The following GOT1L1 variants were observed in gnomAD, a reference collection of about 807,000 sequenced individuals.
The protein encoded by GOT1L1 is aspartate aminotransferase, cytoplasmic 2.
Under a neutral mutation model 43.6 loss-of-function variants are expected in GOT1L1, and 38 were observed. The ratio of observed to expected loss-of-function variants is 0.87; its 90% CI spans 0.67 to 1.14. The LOEUF (loss-of-function observed/expected upper bound fraction) is 1.14, where lower values mean the gene tolerates loss of function less well. Ranked by LOEUF, GOT1L1 falls within the 50% of genes most tolerant of loss-of-function variation. The probability of loss-of-function intolerance (pLI) is 0.00; values close to 1 mark genes in which losing one functional copy is unlikely to be tolerated. For synonymous variants in GOT1L1, 183 were observed against 187.2 expected, an observed-to-expected ratio of 0.98 and a Z score of 0.18; for missense variants, 482 against 504.0, an observed-to-expected ratio of 0.96 and a Z score of 0.42.
At chr8:37,939,630 T>A (rs1807872849) in intron 1 of GOT1L1, among the ~76,000 whole-genome samples, 1 of 150,606 alleles carries the variant, frequency 6.6e-6, no homozygotes, top group Admixed American at 6.6e-5. Context: ...GAGGTAAGAA[T>A]CTGAAGAAGT....
At position 37,939,935 on chromosome 8, in the gene GOT1L1, T is replaced by G; in HGVS notation, c.95A>C (p.Lys32Thr). 2 of 1,613,612 alleles carry G rather than the reference T, an allele frequency of 1.2e-6. No individual in the cohort carries two copies. Among genetic ancestry groups the G allele is most frequent in the Non-Finnish European group, 1.7e-6 (2 of 1,179,614 alleles). ...KTYKQDDYPN[K>T]IFLAYRVCMT... ...TCTACCTCTATAGGCTAAGAATATC[T>G]TGTTCGGGTAATCATCTTGTTTGTA... is the stretch of plus-strand genomic sequence containing the variant. Residue 32 changes from lysine (K) to threonine (T), a missense_variant, in exon 1 of 9, where the codon AAG becomes ACG. By Grantham distance (78) the Lys-to-Thr change is moderately conservative (BLOSUM62 -1). Coordinates refer to ENST00000307599, the MANE Select transcript of GOT1L1 (RefSeq NM_152413.3).
chr8:37,936,308 G>T (rs533014795), intron 6 of GOT1L1, among the ~76,000 whole-genome samples: 1 of 151,584 alleles, frequency 6.6e-6, no homozygotes, highest in South Asian at 2.1e-4. Flanking sequence ...CACCATGCCC[G>T]ACTAATTTTT....
chr8:37,936,716 A>G lies in GOT1L1; in HGVS notation c.763+4T>C, dbSNP rs752386219. ...GACCCTCCCTTCTTCTGCCTGTACC[A>G]TACCATAAATGCCAAAATTCTTGGA... On this transcript the variant is annotated splice_donor_region_variant and intron_variant, in intron 6 of 8. Coordinates refer to ENST00000307599, the MANE Select transcript of GOT1L1 (RefSeq NM_152413.3). 5 of 1,608,924 alleles carry G rather than the reference A, an allele frequency of 3.1e-6. No individual in the cohort carries two copies. Among genetic ancestry groups the G allele is most frequent in the Middle Eastern group, 1.6e-4 (1 of 6,076 alleles).
rs753561204 is a variant in GOT1L1 at position 37,935,170 on chromosome 8, C to T, written c.975G>A (p.Lys325=). ...GCTGGAGTTTCTCCTTCACTTTTTC[C>T]TTGGTTAGCATGATGTTCTCTACAA... is the stretch of plus-strand genomic sequence containing the variant. ...KEVVENIMLT[K]EKVKEKLQLL... is the part of the protein sequence containing the mutation. Residue 325 remains lysine, a synonymous_variant, in exon 8 of 9, where the codon AAG becomes AAA. Transcript: ENST00000307599. 109 of 1,609,868 alleles carry T rather than the reference C, an allele frequency of 6.8e-5. No homozygotes were observed. Among genetic ancestry groups the T allele is most frequent in the Non-Finnish European group, 3.4e-6 (4 of 1,178,090 alleles).
rs778978398 is a variant in GOT1L1 at position 37,935,769 on chromosome 8, G to C, written c.864C>G (p.Asn288Lys). ...LEGLAQALWLNPPNTGARVIT... is the reference protein window; with the variant it reads ...LEGLAQALWLKPPNTGARVIT... ...TGACACGTGCACCCGTGTTGGGGGG[G>C]TTTAGCCACAGGGCCTGGGCTAATC... The change falls in exon 7 of 9, where the codon AAC (asparagine) becomes AAG (lysine). Residue 288 changes from asparagine (N) to lysine (K), a missense_variant. Asn to Lys is a moderately conservative substitution (Grantham distance 94). Transcript: ENST00000307599. 1 of 1,612,160 alleles carries C rather than the reference G, an allele frequency of 6.2e-7. No individual in the cohort carries two copies. The highest frequency in any genetic ancestry group is 2.2e-5 in the East Asian group (1 of 44,716).
chr8:37,934,644 C>T (rs990648575), intron 8 of GOT1L1, among the ~76,000 whole-genome samples, 158 bp from the exon 9 acceptor site: 5 of 152,088 alleles, frequency 3.3e-5, no homozygotes, highest in Non-Finnish European at 4.4e-5. Context: ...AATCTTGGCT[C>T]ACTGCAACCT....
chr8:37,939,935 T>C lies in GOT1L1; in HGVS notation c.95A>G (p.Lys32Arg), dbSNP rs1029779431. Reference sequence around the variant, plus strand: ...TCTACCTCTATAGGCTAAGAATATCTTGTTCGGGTAATCATCTTGTTTGTA... The same window carrying C: ...TCTACCTCTATAGGCTAAGAATATCCTGTTCGGGTAATCATCTTGTTTGTA... ...KTYKQDDYPN[K>R]IFLAYRVCMT... is the part of the protein sequence containing the mutation. Residue 32 changes from lysine (K) to arginine (R), a missense_variant, in exon 1 of 9, where the codon AAG becomes AGG. Coordinates refer to ENST00000307599, the MANE Select transcript of GOT1L1 (RefSeq NM_152413.3). 5.0e-6 allele frequency: 8 copies of C among 1,613,614 alleles called. No individual in the cohort carries two copies. Among genetic ancestry groups the C allele is most frequent in the Non-Finnish European group, 6.8e-6 (8 of 1,179,616 alleles).
At chr8:37,937,435 C>A in intron 3 of GOT1L1, 49 bp from the exon 4 acceptor site, 1 of 1,295,550 alleles carries the variant, frequency 7.7e-7, no homozygotes, top group Non-Finnish European at 1.1e-6. Context: ...AACAGAGAGA[C>A]GGAGACAGAG....
Position 37,936,945 on chromosome 8 carries a change from G to A in GOT1L1, c.612+20C>T, listed in dbSNP as rs761353019. ...GCAGAGAGTCAAAGACAGGAAGGTC[G>A]GGTGGGAGATTGGGTTTACCTTTAT... On this transcript the variant is annotated intron_variant, in intron 5 of 8. Coordinates refer to ENST00000307599, the MANE Select transcript of GOT1L1 (RefSeq NM_152413.3). 1.4e-5 allele frequency: 22 copies of A among 1,611,894 alleles called. No homozygotes were observed. The highest frequency in any genetic ancestry group is 1.3e-5 in the African/African-American group (1 of 74,864).
chr8:37,937,324 G>A lies in GOT1L1; in HGVS notation c.472C>T (p.Pro158Ser). The change falls in exon 4 of 9, where the codon CCC becomes TCC. Residue 158 changes from proline to serine, a missense_variant. Pro to Ser is a moderately conservative substitution (Grantham distance 74). Transcript: ENST00000307599. ...TCGGGGTCCATGCATAGCTTCTTGGGGTCCCAGACAGAGTATTCATAAACT... is the reference window on the plus strand; with the variant it reads ...TCGGGGTCCATGCATAGCTTCTTGGAGTCCCAGACAGAGTATTCATAAACT... ...FTVYEYSVWDPKKLCMDPDIL... is the reference protein window; with the variant it reads ...FTVYEYSVWDSKKLCMDPDIL... The A allele has an allele frequency of 1.2e-6, 2 of 1,610,642 alleles. No homozygotes were observed. Among genetic ancestry groups the A allele is most frequent in the East Asian group, 2.2e-5 (1 of 44,856 alleles).
At chr8:37,937,841 C>T (rs370009468) in intron 2 of GOT1L1, 92 bp from the exon 3 acceptor site, 5 of 804,848 alleles carry the variant, frequency 6.2e-6, no homozygotes, top group Admixed American at 2.1e-5. Flanking sequence ...GTGGATCACT[C>T]GAGGTCATGG....
At position 37,935,687 on chromosome 8, in the gene GOT1L1, C is replaced by G. The variant is rs770096146; in HGVS notation, c.929+17G>C. On this transcript the variant is annotated intron_variant, in intron 7 of 8. Coordinates refer to ENST00000307599, the MANE Select transcript of GOT1L1 (RefSeq NM_152413.3). ...AGGGCCTCTCCCATCCCTTCCTGCT[C>G]CAGCCCTCACCCTTACCATTCTCCC... 6.4e-7 allele frequency: 1 copy of G among 1,554,634 alleles called. No individual in the cohort carries two copies. The highest frequency in any genetic ancestry group is 1.4e-5 in the African/African-American group (1 of 72,316).
Position 37,934,477 on chromosome 8 carries a change from A to G in GOT1L1, c.1082T>C (p.Val361Ala). 6.2e-7 allele frequency: 1 copy of G among 1,612,294 alleles called. No individual in the cohort carries two copies. The highest frequency in any genetic ancestry group is 8.5e-7 in the Non-Finnish European group (1 of 1,178,544). ...HGYLGLNSQQ[V>A]EYLVRKKHIY... ...GTGCTTCTTCCTGACCAGGTATTCC[A>G]CCTGCTGGGCTAAAATCATGACAAG... The change falls in exon 9 of 9, where the codon GTG becomes GCG. Residue 361 changes from valine to alanine, a missense_variant. Physicochemically the swap from Val to Ala is moderately conservative, Grantham distance 64 (BLOSUM62 0). Transcript: ENST00000307599.
At chr8:37,936,585 C>A in intron 6 of GOT1L1, 135 bp downstream of exon 6, 2 of 729,796 alleles carry the variant, frequency 2.7e-6, no homozygotes, top group Admixed American at 2.8e-5. Flanking sequence ...CTCAGTGCTC[C>A]CCACTTCTGC....
chr8:37,934,908 G>A lies in GOT1L1; in HGVS notation c.1072+165C>T, dbSNP rs146635605. 2.9e-3 allele frequency: 2,086 copies of A among 720,940 alleles called. 22 individuals are homozygous for A. Among genetic ancestry groups the A allele is most frequent in the African/African-American group, 0.028 (1,586 of 55,864 alleles). The allele number at this position is 720,940 out of a possible 1,614,324, so 44.7% of individuals were successfully genotyped here. ...TGGTTTATGAAGGATAGGGAGTGTC[G>A]GTACTTCTGGGGGTCCAGAAGTGTC... On this transcript the variant is annotated intron_variant, in intron 8 of 8. Transcript: ENST00000307599.
At position 37,936,835 on chromosome 8, in the gene GOT1L1, A is replaced by G; in HGVS notation, c.648T>C (p.Cys216=). The change falls in exon 6 of 9, where the codon TGT becomes TGC. Residue 216 remains cysteine (C), a synonymous_variant. Coordinates refer to ENST00000307599, the MANE Select transcript of GOT1L1 (RefSeq NM_152413.3). ...KQIFPFFDIP[C]QGLYTSDLEE... is the part of the protein sequence containing the mutation. ...CCAAGTCACTGGTGTATAAACCTTG[A>G]CAGGGAATATCAAAAAATGGGAATA... is the stretch of plus-strand genomic sequence containing the variant. The G allele has an allele frequency of 6.2e-7, 1 of 1,611,356 alleles. No individual in the cohort carries two copies. Among genetic ancestry groups the G allele is most frequent in the Non-Finnish European group, 8.5e-7 (1 of 1,177,614 alleles).
chr8:37,934,507 C>T, intron 8 of GOT1L1, 21 bp from the exon 9 acceptor site: 3 of 1,587,508 alleles, frequency 1.9e-6, no homozygotes, highest in Non-Finnish European at 2.6e-6. Flanking sequence ...GACAAGGTCT[C>T]AGATCTCGAG....
chr8:37,935,705 AT>A lies in GOT1L1; in HGVS notation c.927del (p.Glu309AspfsTer6), dbSNP rs749482441. The A allele has an allele frequency of 1.7e-5, 27 of 1,576,640 alleles. No homozygotes were observed. Among genetic ancestry groups the A allele is most frequent in the Non-Finnish European group, 2.3e-5 (27 of 1,161,906 alleles). ...SILCNPALLG[E>X]WKQSLKEVVE... The stretch of plus-strand genomic sequence containing the variant: ...TCCTGCTCCAGCCCTCACCCTTACC[AT>A]TCTCCCAGCAGAGCAGGGTTGCAGA... On this transcript the variant is annotated frameshift_variant and splice_region_variant, in exon 7 of 9. Transcript: ENST00000307599. LOFTEE classifies it high-confidence loss of function.
chr8:37,934,978 T>G (rs2130258148), intron 8 of GOT1L1, 95 bp downstream of exon 8: 1 of 1,365,854 alleles, frequency 7.3e-7, no homozygotes, highest in Non-Finnish European at 1.0e-6. Flanking sequence ...AAATCTGGAG[T>G]GAAGCTAGGA....
Sources: allele counts gnomAD v4.1 joint callset (sites outside exome capture counted in the v4.1 genomes callset), GRCh38; gene constraint gnomAD v4.1.1; transcripts MANE v1.5; gene names NCBI Gene and HGNC (gene_info 2026-07-23, HGNC 2026-07-21).